LRRC4C: variants seen among roughly 807,000 people sequenced by gnomAD.
LRRC4C encodes leucine-rich repeat-containing protein 4C.
A neutral mutation model predicts 33.6 loss-of-function variants in LRRC4C; 5 were observed. The observed-to-expected ratio is 0.15, with a 90% CI of 0.08 to 0.31. LRRC4C has a LOEUF of 0.31. Ranked by LOEUF, LRRC4C falls within the 10% of genes least tolerant of loss-of-function variation. The probability of loss-of-function intolerance (pLI) is 1.00; values close to 1 mark genes in which losing one functional copy is unlikely to be tolerated. For missense variants in LRRC4C, 560 were observed against 796.7 expected (o/e 0.70, Z 3.58); for synonymous variants, 329 against 302.0 (o/e 1.09, Z -0.93).
chr11:40,206,486 C>G (rs575093031), intron 5 of LRRC4C, among the ~76,000 whole-genome samples: 30 of 152,294 alleles, frequency 2.0e-4, no homozygotes, highest in African/African-American at 6.7e-4. Flanking sequence ...AAATGATCCA[C>G]CTGCCTCGGC....
At chr11:40,653,152 ATAGT>A (rs1443164675) in intron 2 of LRRC4C, among the ~76,000 whole-genome samples, 1 of 152,196 alleles carries the variant, frequency 6.6e-6, no homozygotes, top group African/African-American at 2.4e-5. Context: ...ATGTACTAAT[ATAGT>A]TAGTTGGTAC....
chr11:40,417,423 C>T (rs1468674363), intron 3 of LRRC4C, among the ~76,000 whole-genome samples: 1 of 152,056 alleles, frequency 6.6e-6, no homozygotes, highest in Non-Finnish European at 1.5e-5. Context: ...CCTCTCCCTC[C>T]TGGGTATAAG....
chr11:40,539,983 T>C (rs1208520670), intron 3 of LRRC4C, among the ~76,000 whole-genome samples: 1 of 152,204 alleles, frequency 6.6e-6, no homozygotes, highest in Non-Finnish European at 1.5e-5. Context: ...TTTTTTGTCA[T>C]GTGGCTTCAG....
chr11:40,284,793 G>A (rs1216556861), intron 4 of LRRC4C, among the ~76,000 whole-genome samples: 1 of 152,096 alleles, frequency 6.6e-6, no homozygotes, highest in Non-Finnish European at 1.5e-5. Flanking sequence ...GGATTAAGGA[G>A]TTAAAAAAAA....
intron 1 of LRRC4C, chr11:41,394,605 T>C (rs958862131): frequency 4.6e-5 from 7 of 151,942 alleles, no homozygotes; most frequent in African/African-American, 1.7e-4. Context: ...ACTTGAAAGA[T>C]AGGTTGTGAA....
At chr11:41,124,292 T>C (rs1942626196) in intron 1 of LRRC4C, among the ~76,000 whole-genome samples, 1 of 152,188 alleles carries the variant, frequency 6.6e-6, no homozygotes, top group Admixed American at 6.5e-5. Flanking sequence ...TCCACATGTC[T>C]CGTAAGTGGA....
intron 1 of LRRC4C, among the ~76,000 whole-genome samples, chr11:40,965,374 G>A (rs1309254066): frequency 6.6e-6 from 1 of 151,840 alleles, no homozygotes; most frequent in East Asian, 1.9e-4. Context: ...TTAGTTTAAT[G>A]AGGTCCCATT....
At chr11:40,657,776 C>A (rs1228300801) in intron 2 of LRRC4C, among the ~76,000 whole-genome samples, 1 of 152,202 alleles carries the variant, frequency 6.6e-6, no homozygotes, top group Non-Finnish European at 1.5e-5. Flanking sequence ...CTCCCTGAGG[C>A]TGTGTCACAG....
rs35200000 is a variant in LRRC4C, at chr11:40,382,684, A to ATTTTTTT, written c.-269-62970_-269-62964dup. 7.6e-5 allele frequency among the ~76,000 whole-genome samples: 5 copies of ATTTTTTT among 65,568 alleles called. 1 individual carries two copies. In the East Asian group the frequency reaches 1.6e-3, roughly 21 times the overall value. The allele number at this position is 65,568 out of a possible 152,430, so 43.0% of individuals were successfully genotyped here. A position where few individuals can be genotyped will look rare whatever the true frequency, so the allele number is the denominator to read the frequency against. On this transcript the variant is annotated intron_variant, in intron 3 of 6. Coordinates refer to ENST00000528697, the MANE Select transcript of LRRC4C (RefSeq NM_001258419.2). ...TTTTGCACAACTAAAACTTGTACTC[A>ATTTTTTT]TTTTTTTTTTTTTTTTTTTTTTTTT...
intron 3 of LRRC4C, among the ~76,000 whole-genome samples, chr11:40,476,610 C>T (rs1953249214): frequency 6.6e-6 from 1 of 152,168 alleles, no homozygotes; most frequent in African/African-American, 2.4e-5. Context: ...TCCCAAAGTG[C>T]TGGGATTACA....
At chr11:41,396,601 G>A (rs1506718) in intron 1 of LRRC4C, among the ~76,000 whole-genome samples, 140,367 of 152,062 alleles carry the variant, frequency 0.92, 64,885 homozygotes, top group East Asian at 1. Flanking sequence ...TATGATATGG[G>A]TAGTTTTTTA....
intron 3 of LRRC4C, among the ~76,000 whole-genome samples, chr11:40,602,192 TC>T (rs1960077493): frequency 1.7e-5 from 1 of 57,584 alleles, no homozygotes; most frequent in African/African-American, 4.8e-5. Flanking sequence ...AGAATCTGTC[TC>T]AAAAAAAAAA....
chr11:41,328,626 T>C (rs980842171), intron 1 of LRRC4C, among the ~76,000 whole-genome samples: 3 of 152,080 alleles, frequency 2.0e-5, no homozygotes, highest in African/African-American at 4.8e-5. Context: ...CTACTGAACA[T>C]AGCCATCTGT....
rs369107671 is a variant in LRRC4C at position 40,391,139 on chromosome 11, A to G, written c.-269-71418T>C. ...TCGATCTGCCCACCTCAGTCTCCCA[A>G]AGTGCTAGGATTACAGGTCATTTCT... On this transcript the variant is annotated intron_variant, in intron 3 of 6. Transcript: ENST00000528697. Among the ~76,000 whole-genome samples the G allele has an allele frequency of 3.2e-4, 49 of 152,196 alleles. No individual in the cohort carries two copies. In the South Asian group the frequency reaches 1.0e-2, roughly 31 times the overall value.
intron 1 of LRRC4C, among the ~76,000 whole-genome samples, chr11:41,395,392 G>T (rs1383857601): frequency 6.6e-6 from 1 of 151,854 alleles, no homozygotes; most frequent in African/African-American, 2.4e-5. Context: ...GAGACGTGTG[G>T]GTTATATAAG....
At chr11:41,417,827 T>G (rs1954739357) in intron 1 of LRRC4C, among the ~76,000 whole-genome samples, 1 of 151,872 alleles carries the variant, frequency 6.6e-6, no homozygotes, top group Non-Finnish European at 1.5e-5. Context: ...ACTATACATA[T>G]TATGCTTTAA....
At chr11:40,124,179 G>A (rs1420511613) in intron 6 of LRRC4C, among the ~76,000 whole-genome samples, 2 of 152,102 alleles carry the variant, frequency 1.3e-5, no homozygotes, top group African/African-American at 2.4e-5. Flanking sequence ...AAATGCTGGT[G>A]AGGATGTGGG....
At chr11:41,044,111 T>C (rs1034147008) in intron 1 of LRRC4C, among the ~76,000 whole-genome samples, 11 of 152,088 alleles carry the variant, frequency 7.2e-5, no homozygotes, top group African/African-American at 2.7e-4. Context: ...AGAAGCCAAA[T>C]TGTGAGTGTT....
At chr11:41,059,230 A>G (rs1234829155) in intron 1 of LRRC4C, among the ~76,000 whole-genome samples, 1 of 21,054 alleles carries the variant, frequency 4.7e-5, no homozygotes, top group Non-Finnish European at 1.4e-4. Context: ...TTTTTTAAGA[A>G]AAAGAGAAAG....
Sources: allele counts gnomAD v4.1 joint callset (sites outside exome capture counted in the v4.1 genomes callset), GRCh38; gene constraint gnomAD v4.1.1; transcripts MANE v1.5; gene names NCBI Gene and HGNC (gene_info 2026-07-23, HGNC 2026-07-21).